MYO16: variants seen among roughly 807,000 people sequenced by gnomAD.
MYO16 encodes myosin XVI, also known as unconventional myosin-XVI.
MYO16 carries 94 observed loss-of-function variants against 205.3 expected under a neutral mutation model. The observed-to-expected ratio is 0.46, with a 90% CI of 0.39 to 0.54. The LOEUF (loss-of-function observed/expected upper bound fraction) is 0.54. Ranked by LOEUF, MYO16 falls within the 20% of genes least tolerant of loss-of-function variation. MYO16 has a pLI of 0.00. For synonymous variants in MYO16, 988 were observed against 954.0 expected (o/e 1.04, Z -0.66); for missense variants, 2,315 against 2,387.5 (o/e 0.97, Z 0.63).
chr13:109,064,695 CAAA>C (rs926741489), intron 27 of MYO16, among the ~76,000 whole-genome samples: 1 of 151,402 alleles, frequency 6.6e-6, no homozygotes, highest in Non-Finnish European at 1.5e-5. Flanking sequence ...TAGGGAGGAA[CAAA>C]AAAAAGGCTG....
At chr13:109,150,917 T>A (rs1051273421) in intron 32 of MYO16, among the ~76,000 whole-genome samples, 28 of 152,334 alleles carry the variant, frequency 1.8e-4, no homozygotes, top group Middle Eastern at 3.4e-3. Flanking sequence ...AAGACCTTCC[T>A]GACTATCTGC....
At chr13:108,949,518 A>C (rs894865270) in intron 16 of MYO16, among the ~76,000 whole-genome samples, 1 of 152,114 alleles carries the variant, frequency 6.6e-6, no homozygotes, top group Non-Finnish European at 1.5e-5. Flanking sequence ...CTGAAAATGA[A>C]AAAAAAATAC....
rs1878418542 is a variant in MYO16, at chr13:109,162,166, T to C, written c.5165-2735T>C. 6.6e-6 allele frequency among the ~76,000 whole-genome samples: 1 copy of C among 152,230 alleles called. No homozygotes were observed. Among genetic ancestry groups the C allele is most frequent in the Non-Finnish European group, 1.5e-5 (1 of 68,042 alleles). On this transcript the variant is annotated intron_variant, in intron 32 of 34. Transcript: ENST00000457511. The surrounding 1 kb of genome is among the most constrained non-coding windows in gnomAD (Gnocchi z 4.6). ...GAAAAATAGAAATACGTTTAAACTT[T>C]AATTGCAAAAATGAGAATTTTGGCT...
intron 9 of MYO16, among the ~76,000 whole-genome samples, chr13:108,839,205 G>T (rs567777126): frequency 5.3e-4 from 81 of 152,016 alleles, no homozygotes; most frequent in African/African-American, 1.9e-3. Context: ...AAAGCCATCA[G>T]TCCCACTCCC....
At chr13:108,622,186 G>A (rs1195972272) in intron 1 of MYO16, among the ~76,000 whole-genome samples, 2 of 152,062 alleles carry the variant, frequency 1.3e-5, no homozygotes, top group African/African-American at 4.8e-5. Context: ...TGTCTTCAAG[G>A]CAAATCACAT....
In MYO16 at chr13:109,202,479, G is replaced by A. The variant is rs191546057; in HGVS notation, c.5416-4130G>A. 2.1e-4 allele frequency among the ~76,000 whole-genome samples: 32 copies of A among 152,210 alleles called. 1 individual carries two copies. The East Asian group carries it at 5.8e-3, about 28-fold the overall frequency. Reference sequence around the variant, plus strand: ...AGTGATGTTGAGCATTTTTTCATATGTTTGTTGGGCATTTGTGTATCTTCT... The same window carrying A: ...AGTGATGTTGAGCATTTTTTCATATATTTGTTGGGCATTTGTGTATCTTCT... On this transcript the variant is annotated intron_variant, in intron 34 of 34. Coordinates refer to ENST00000457511, the MANE Select transcript of MYO16 (RefSeq NM_001198950.3).
intron 23 of MYO16, among the ~76,000 whole-genome samples, chr13:109,039,702 A>G (rs553733647): frequency 6.6e-6 from 1 of 152,328 alleles, no homozygotes; most frequent in South Asian, 2.1e-4. Context: ...CTAAAATAGT[A>G]TTGAATGAGA....
At chr13:108,627,297 A>G (rs1879780024), upstream of MYO16, among the ~76,000 whole-genome samples, 1 of 152,182 alleles carries the variant, frequency 6.6e-6, no homozygotes, top group African/African-American at 2.4e-5. Context: ...TGGGGAAATT[A>G]TATGTAGATA....
chr13:108,837,958 T>C (rs1877013980), intron 9 of MYO16, among the ~76,000 whole-genome samples: 1 of 152,208 alleles, frequency 6.6e-6, no homozygotes, highest in Non-Finnish European at 1.5e-5. Flanking sequence ...AAATTTGGTA[T>C]ATGCAAACCC....
chr13:109,090,596 G>A lies in MYO16; in HGVS notation c.3336-10189G>A, dbSNP rs118136680. On this transcript the variant is annotated intron_variant, in intron 27 of 34. Coordinates refer to ENST00000457511, the MANE Select transcript of MYO16 (RefSeq NM_001198950.3). ...GGGGGCCCTGCCCTGCAGTGTGGGC[G>A]TGCGGAGGCTGCAGGACAGCAGAGG... Among the ~76,000 whole-genome samples the A allele has an allele frequency of 7.2e-5, 11 of 152,280 alleles. No homozygotes were observed. The East Asian group carries it at 1.2e-3, about 16-fold the overall frequency.
intron 1 of MYO16, among the ~76,000 whole-genome samples, chr13:108,608,358 TGCTGC>T (rs1879038948): frequency 1.3e-5 from 2 of 152,174 alleles, no homozygotes; most frequent in Non-Finnish European, 2.9e-5. Flanking sequence ...GAGTGACCCA[TGCTGC>T]ACGCTCTGCC....
At chr13:109,168,507 T>A (rs913900970) in intron 33 of MYO16, among the ~76,000 whole-genome samples, 1 of 152,072 alleles carries the variant, frequency 6.6e-6, no homozygotes, top group Non-Finnish European at 1.5e-5. Context: ...GCAGATCACC[T>A]GAGGTCAGGA....
At chr13:109,154,911 G>GAAATAAAAAAAAAAAA (rs1877909725) in intron 32 of MYO16, among the ~76,000 whole-genome samples, 1 of 62,666 alleles carries the variant, frequency 1.6e-5, no homozygotes, top group Non-Finnish European at 3.0e-5. Flanking sequence ...GGCTAATTAT[G>GAAATAAAAAAAAAAAA]AAAAAAAAAA....
At chr13:109,084,811 G>A (rs1438589305) in intron 27 of MYO16, among the ~76,000 whole-genome samples, 1 of 151,658 alleles carries the variant, frequency 6.6e-6, no homozygotes, top group Admixed American at 6.6e-5. Flanking sequence ...GGGACACTTT[G>A]GGGATAAAAA....
chr13:109,070,933 C>T (rs900853459), intron 27 of MYO16, among the ~76,000 whole-genome samples: 4 of 152,222 alleles, frequency 2.6e-5, no homozygotes, highest in African/African-American at 9.6e-5. Context: ...TCAGTTAGAG[C>T]TGACCCACTT....
intron 11 of MYO16, among the ~76,000 whole-genome samples, chr13:108,857,977 C>A (rs1293816630): frequency 1.3e-5 from 2 of 152,144 alleles, no homozygotes; most frequent in African/African-American, 4.8e-5. Flanking sequence ...TACAGAAAAG[C>A]TCAATCGATT....
chr13:108,751,370 T>C (rs1033415193), intron 4 of MYO16, among the ~76,000 whole-genome samples: 5 of 152,114 alleles, frequency 3.3e-5, no homozygotes, highest in African/African-American at 9.7e-5. Flanking sequence ...TGGCTCACAC[T>C]GGAACGATTT....
chr13:109,139,092 C>T (rs1219674252), intron 31 of MYO16, among the ~76,000 whole-genome samples: 1 of 152,088 alleles, frequency 6.6e-6, no homozygotes, highest in Non-Finnish European at 1.5e-5. Context: ...AGTGCTGGGA[C>T]TACAAGTGCC....
chr13:109,046,030 C>G (rs117999436), intron 23 of MYO16, among the ~76,000 whole-genome samples: 37 of 141,650 alleles, frequency 2.6e-4, no homozygotes, highest in Non-Finnish European at 3.2e-4. Context: ...CATGGCGGAT[C>G]CTCGCCCTCC....
Sources: allele counts gnomAD v4.1 joint callset (sites outside exome capture counted in the v4.1 genomes callset), GRCh38; gene constraint gnomAD v4.1.1; non-coding constraint Gnocchi (gnomAD v3.1); transcripts MANE v1.5; gene names NCBI Gene and HGNC (gene_info 2026-07-23, HGNC 2026-07-21).